Variants in ATP2C1 observed in about 807,000 individuals in gnomAD.
ATP2C1 encodes the protein calcium-transporting ATPase type 2C member 1.
A neutral mutation model predicts 120.5 loss-of-function variants in ATP2C1; 31 were observed. That is an observed-to-expected ratio of 0.26 (90% confidence interval 0.19 to 0.35). The LOEUF (loss-of-function observed/expected upper bound fraction) is 0.35, where lower values mean the gene tolerates loss of function less well. Among genes scored for constraint, ATP2C1 ranks in the 10% least tolerant of loss-of-function variants. ATP2C1 has a pLI of 1.00. For synonymous variants in ATP2C1, 351 were observed against 358.7 expected, an observed-to-expected ratio of 0.98 and a Z score of 0.24; for missense variants, 731 against 1,107.5, an observed-to-expected ratio of 0.66 and a Z score of 4.83.
chr3:130,980,550 G>T, intron 19 of ATP2C1, 32 bp from the exon 20 acceptor site: 15 of 1,543,392 alleles, frequency 9.7e-6, no homozygotes, highest in Non-Finnish European at 1.3e-5. Context: ...AAACAATTTG[G>T]TTTATTACAT....
rs75564451 is a variant in ATP2C1 at position 130,873,499 on chromosome 3, C to T, written c.108+22571C>T. On this transcript the variant is annotated intron_variant, in intron 1 of 26. Coordinates refer to the ATP2C1 transcript ENST00000504381. ...CTCACTTCCCTAAAAGTAATTTAAA[C>T]GTTTTAATCAAATGTGTAATGTTGA... is the stretch of plus-strand genomic sequence containing the variant. Among the ~76,000 whole-genome samples the T allele has an allele frequency of 4.5e-3, 681 of 152,184 alleles. 1 individual carries two copies. The highest frequency in any genetic ancestry group is 7.1e-3 in the Non-Finnish European group (482 of 67,998).
At chr3:130,857,865 C>A (rs976666129) in intron 1 of ATP2C1, among the ~76,000 whole-genome samples, 1 of 152,116 alleles carries the variant, frequency 6.6e-6, no homozygotes, top group Non-Finnish European at 1.5e-5. Context: ...CCACAATAGG[C>A]CGTTTGCAAG....
chr3:130,922,494 T>C (rs2059014667), intron 2 of ATP2C1, among the ~76,000 whole-genome samples: 1 of 152,216 alleles, frequency 6.6e-6, no homozygotes, highest in African/African-American at 2.4e-5. Context: ...TATTTTCTTC[T>C]GCTGGGCTTA....
At chr3:130,865,095 C>T (rs937777498) in intron 1 of ATP2C1, among the ~76,000 whole-genome samples, 2 of 152,204 alleles carry the variant, frequency 1.3e-5, no homozygotes, top group African/African-American at 4.8e-5. Flanking sequence ...TGCAAAGCCA[C>T]AGGGGTGGAG....
At chr3:130,887,364 T>C (rs1426914117) in intron 1 of ATP2C1, among the ~76,000 whole-genome samples, 1 of 152,194 alleles carries the variant, frequency 6.6e-6, no homozygotes, top group African/African-American at 2.4e-5. Flanking sequence ...CCTAGGGCTC[T>C]ACCATTAGCA....
At chr3:131,016,102 TTGTGTGCTTCCA>T (rs754687712) in intron 26 of ATP2C1, 15 of 1,605,388 alleles carry the variant, frequency 9.3e-6, no homozygotes, top group Non-Finnish European at 1.3e-5. Context: ...GTATTTACTT[TTGTGTGCTTCCA>T]TCTGAACTAA....
At chr3:131,008,255 T>C (rs1456818770) in intron 26 of ATP2C1, among the ~76,000 whole-genome samples, 2 of 151,998 alleles carry the variant, frequency 1.3e-5, no homozygotes, top group Non-Finnish European at 2.9e-5. Flanking sequence ...CTGGCCAACA[T>C]GGCGAAACTA....
intron 2 of ATP2C1, among the ~76,000 whole-genome samples, chr3:130,913,052 A>G (rs1245027772): frequency 7.6e-6 from 1 of 131,296 alleles, no homozygotes; most frequent in East Asian, 2.4e-4. Flanking sequence ...GAATTGAACA[A>G]TGAGACCACA....
chr3:130,991,560 GA>G (rs796801172), intron 20 of ATP2C1, among the ~76,000 whole-genome samples: 163 of 151,274 alleles, frequency 1.1e-3, no homozygotes, highest in African/African-American at 3.8e-3. Context: ...AAAAAATAAA[GA>G]AAAAAAAGGG....
intron 24 of ATP2C1, among the ~76,000 whole-genome samples, 188 bp from the exon 25 acceptor site, chr3:130,997,416 TAA>T (rs1404747823): frequency 6.6e-6 from 1 of 151,944 alleles, no homozygotes; most frequent in Non-Finnish European, 1.5e-5. Flanking sequence ...GCCAAACAAA[TAA>T]AGAGGAGAGA....
intron 12 of ATP2C1, 74 bp downstream of exon 12, chr3:130,959,415 A>G (rs1054477908): frequency 1.5e-4 from 147 of 985,194 alleles, no homozygotes; most frequent in Non-Finnish European, 2.0e-4. Flanking sequence ...CTTACGTTTT[A>G]TTATGGAGAT....
intron 16 of ATP2C1, 135 bp downstream of exon 16, chr3:130,967,554 T>C (rs2061103130): frequency 1.3e-6 from 1 of 740,902 alleles, no homozygotes; most frequent in Non-Finnish European, 2.3e-6. Flanking sequence ...GTTTTTACTA[T>C]CTTTTAGGTA....
At chr3:130,915,994 T>C (rs1356184922) in intron 2 of ATP2C1, among the ~76,000 whole-genome samples, 1 of 152,224 alleles carries the variant, frequency 6.6e-6, no homozygotes, top group Non-Finnish European at 1.5e-5. Flanking sequence ...TACTGGGACA[T>C]GTAAAGCAAA....
chr3:130,885,887 C>T (rs533450224), intron 1 of ATP2C1, among the ~76,000 whole-genome samples: 5 of 152,014 alleles, frequency 3.3e-5, no homozygotes, highest in Non-Finnish European at 7.4e-5. Flanking sequence ...TGGGGGTACA[C>T]GTGAAGGTTT....
intron 20 of ATP2C1, among the ~76,000 whole-genome samples, chr3:130,981,397 A>G (rs1428606990): frequency 1.3e-5 from 2 of 152,176 alleles, no homozygotes; most frequent in Non-Finnish European, 2.9e-5. Flanking sequence ...TGTTTTTTAA[A>G]GTAATATTCT....
intron 18 of ATP2C1, among the ~76,000 whole-genome samples, chr3:130,975,971 G>A (rs2061514683): frequency 6.6e-6 from 1 of 152,140 alleles, no homozygotes; most frequent in Non-Finnish European, 1.5e-5. Flanking sequence ...GTGATGGGGA[G>A]AGGGTCTGCT....
chr3:130,950,435 T>C (rs2060322581), intron 8 of ATP2C1, among the ~76,000 whole-genome samples: 1 of 152,164 alleles, frequency 6.6e-6, no homozygotes, highest in Admixed American at 6.6e-5. Flanking sequence ...CAATGAATAA[T>C]GACTCTAATA....
chr3:130,852,284 G>A (rs750687057), intron 1 of ATP2C1, among the ~76,000 whole-genome samples: 14 of 152,186 alleles, frequency 9.2e-5, no homozygotes, highest in Non-Finnish European at 1.3e-4. Context: ...TATTATGGAA[G>A]GAAGAGAGGT....
chr3:130,918,566 C>T (rs2058790471), intron 2 of ATP2C1: 1 of 736,378 alleles, frequency 1.4e-6, no homozygotes, highest in Admixed American at 1.8e-5. Flanking sequence ...GTTAAGTATG[C>T]CAGCGCCCTG....
Sources: allele counts gnomAD v4.1 joint callset (sites outside exome capture counted in the v4.1 genomes callset), GRCh38; gene constraint gnomAD v4.1.1; transcripts MANE v1.5; gene names NCBI Gene and HGNC (gene_info 2026-07-23, HGNC 2026-07-21).